Variants in RECQL5 observed in about 807,000 individuals in gnomAD.
The protein encoded by RECQL5 is RecQ like helicase 5.
A neutral mutation model predicts 103.4 loss-of-function variants in RECQL5; 88 were observed. That is an observed-to-expected ratio of 0.85 (90% CI 0.72 to 1.02). The LOEUF (loss-of-function observed/expected upper bound fraction) is 1.02. Ranked by LOEUF, RECQL5 falls within the 50% of genes least tolerant of loss-of-function variation. RECQL5 has a pLI of 0.00. For synonymous variants in RECQL5, 552 were observed against 507.9 expected, an observed-to-expected ratio of 1.09 and a Z score of -1.17; for missense variants, 1,232 against 1,284.3, an observed-to-expected ratio of 0.96 and a Z score of 0.62.
At chr17:75,656,714 C>A (rs1009798513) in intron 7 of RECQL5, among the ~76,000 whole-genome samples, 4 of 149,714 alleles carry the variant, frequency 2.7e-5, no homozygotes, top group Non-Finnish European at 5.9e-5. Context: ...ATTATCCTTG[C>A]GAATTTATGT....
At position 75,651,076 on chromosome 17, in the gene RECQL5, GT is replaced by G. The variant is rs1348188946; in HGVS notation, c.1229+109del. 4.4e-6 allele frequency: 7 copies of G among 1,595,844 alleles called. No individual in the cohort carries two copies. The East Asian group carries it at 1.6e-4, about 36-fold the overall frequency. Reference sequence around the variant, plus strand: ...GACACAACAGCCTTTGCAGGCAGGTGTCCCTTGGTAGCCTACGGGCTGTCTT... The same window carrying G: ...GACACAACAGCCTTTGCAGGCAGGTGCCCTTGGTAGCCTACGGGCTGTCTT... On this transcript the variant is annotated intron_variant, in intron 8 of 19. Transcript: ENST00000317905.
rs1227509722 is a variant in RECQL5 at position 75,630,849 on chromosome 17, G to GGT, written c.1586-13_1586-12insAC. The stretch of plus-strand genomic sequence containing the variant: ...GGGACAGTTCTCATCTGTGGGGGGG[G>GGT]GGGGTGGTCCTTGGTCCTTTCGCTC... On this transcript the variant is annotated splice_polypyrimidine_tract_variant and intron_variant, in intron 11 of 19. Transcript: ENST00000317905. 2 of 1,457,748 alleles carry GGT rather than the reference G, an allele frequency of 1.4e-6. No homozygotes were observed. Among genetic ancestry groups the GGT allele is most frequent in the Non-Finnish European group, 1.8e-6 (2 of 1,081,576 alleles). 90.3% of individuals were successfully genotyped at this position (1,457,748 alleles called of 1,614,324 possible). A position where few individuals can be genotyped will look rare whatever the true frequency, so the allele number is the denominator to read the frequency against.
chr17:75,640,642 C>T lies in RECQL5; in HGVS notation c.1230-8974G>A. On this transcript the variant is annotated intron_variant, in intron 8 of 19. Coordinates refer to ENST00000317905, the MANE Select transcript of RECQL5 (RefSeq NM_004259.7). The surrounding 1 kb of genome is among the most constrained non-coding windows in gnomAD (Gnocchi z 4.6). ...CCCTGGCGGCTGGCATGGGGACCGT[C>T]CGCACCTCTCACCAGCCTCTCGGAT... The T allele has an allele frequency of 6.9e-7, 1 of 1,448,930 alleles. No individual in the cohort carries two copies. Among genetic ancestry groups the T allele is most frequent in the East Asian group, 2.5e-5 (1 of 39,866 alleles). The allele number at this position is 1,448,930 out of a possible 1,614,324, so 89.8% of individuals were successfully genotyped here. A position where few individuals can be genotyped will look rare whatever the true frequency, so the allele number is the denominator to read the frequency against.
chr17:75,628,844 G>A, intron 16 of RECQL5, 82 bp from the exon 17 acceptor site: 1 of 1,595,120 alleles, frequency 6.3e-7, no homozygotes, highest in Non-Finnish European at 8.5e-7. Flanking sequence ...GCCCATCTCA[G>A]GGGTGAGCTC....
chr17:75,664,588 A>G (rs2059742270), intron 3 of RECQL5, among the ~76,000 whole-genome samples: 1 of 152,202 alleles, frequency 6.6e-6, no homozygotes, highest in South Asian at 2.1e-4. Flanking sequence ...CAGAAACCCA[A>G]TATAGCGAAT....
rs1191652481 is a variant in RECQL5 at position 75,630,655 on chromosome 17, A to C, written c.1682T>G (p.Leu561Arg). Residue 561 changes from leucine to arginine, a missense_variant, in exon 13 of 20, where the codon CTG (leucine) becomes CGG (arginine). By Grantham distance (102) the Leu-to-Arg change is moderately radical. Coordinates refer to ENST00000317905, the MANE Select transcript of RECQL5 (RefSeq NM_004259.7). The part of the protein sequence containing the change: ...EHCLRLLEEA[L>R]SSNRQSTRTA... ...ACGTGTTGACTGGCGGTTGCTGCTC[A>C]GCGCCTCCTCCAGAAGCCGCAGGCA... is the stretch of plus-strand genomic sequence containing the variant. The C allele has an allele frequency of 6.2e-7, 1 of 1,613,418 alleles. No individual in the cohort carries two copies.
rs2059402677 is a variant in RECQL5 at position 75,639,962 on chromosome 17, C to T, written c.1230-8294G>A. Reference sequence around the variant, plus strand: ...CGAAGCAAGCCCTTGGTCTCACTGTCCTCACCGGCTTCCTCCACCCTGAGC... The same window carrying T: ...CGAAGCAAGCCCTTGGTCTCACTGTTCTCACCGGCTTCCTCCACCCTGAGC... On this transcript the variant is annotated intron_variant, in intron 8 of 19. Coordinates refer to ENST00000317905, the MANE Select transcript of RECQL5 (RefSeq NM_004259.7). 5 of 509,602 alleles carry T rather than the reference C, an allele frequency of 9.8e-6. No homozygotes were observed. The South Asian group carries it at 1.4e-4, about 15-fold the overall frequency. 31.6% of individuals were successfully genotyped at this position (509,602 alleles called of 1,614,324 possible).
At chr17:75,627,724 G>A (rs1389735976) in intron 18 of RECQL5, 32 bp from the exon 19 acceptor site, 2 of 1,579,708 alleles carry the variant, frequency 1.3e-6, no homozygotes, top group South Asian at 1.1e-5. Context: ...GAAGCAGAGA[G>A]CAGGACCCTT....
At position 75,663,016 on chromosome 17, in the gene RECQL5, G is replaced by T; in HGVS notation, c.253-19C>A. 2.6e-6 allele frequency: 4 copies of T among 1,562,044 alleles called. No individual in the cohort carries two copies. Among genetic ancestry groups the T allele is most frequent in the Non-Finnish European group, 3.5e-6 (4 of 1,155,016 alleles). On this transcript the variant is annotated intron_variant, in intron 3 of 19. Transcript: ENST00000317905. ...CTTGGTCCTAAGAGAAGAGAAAGAG[G>T]CTGTAACTGGCCCTCAGGACTCAGG...
At chr17:75,644,571 C>T (rs1649109138) in intron 8 of RECQL5, among the ~76,000 whole-genome samples, 1 of 151,876 alleles carries the variant, frequency 6.6e-6, no homozygotes, top group African/African-American at 2.4e-5. Flanking sequence ...AGTGACAGAG[C>T]AAGACCCTGT....
intron 8 of RECQL5, chr17:75,650,423 A>T (rs1338650848): frequency 7.6e-7 from 1 of 1,320,890 alleles, no homozygotes; most frequent in African/African-American, 1.5e-5. Flanking sequence ...TATGCAAATG[A>T]GGACGCCACT....
rs759800749 is a variant in RECQL5, at chr17:75,631,505, C to T, written c.1393G>A (p.Gly465Ser). ...KTCIGPSQGN[G>S]FDPELYEGGR... Reference sequence around the variant, plus strand: ...CCCTCATACAGCTCGGGGTCAAAGCCGTTCCCCTGGGAGGGCCCGATGCAG... The same window carrying T: ...CCCTCATACAGCTCGGGGTCAAAGCTGTTCCCCTGGGAGGGCCCGATGCAG... The change falls in exon 9 of 20, where the codon GGC (glycine) becomes AGC (serine). Residue 465 changes from glycine to serine, a missense_variant. Coordinates refer to ENST00000317905, the MANE Select transcript of RECQL5 (RefSeq NM_004259.7). The T allele has an allele frequency of 6.8e-6, 11 of 1,613,178 alleles. No individual in the cohort carries two copies. The highest frequency in any genetic ancestry group is 4.0e-5 in the African/African-American group (3 of 74,950).
chr17:75,631,752 A>G, intron 8 of RECQL5, 84 bp from the exon 9 acceptor site: 2 of 1,409,482 alleles, frequency 1.4e-6, no homozygotes, highest in South Asian at 1.2e-5. Context: ...TCGCTAGCTG[A>G]GCGAGCACTG....
chr17:75,654,461 CT>C (rs1353980637), intron 7 of RECQL5, among the ~76,000 whole-genome samples: 7 of 152,198 alleles, frequency 4.6e-5, no homozygotes, highest in Admixed American at 4.6e-4. Context: ...AAGTTTCCAT[CT>C]TTGCTTTCTA....
rs1204419392 is a variant in RECQL5, at chr17:75,647,690, C to A, written c.1229+3496G>T. Reference sequence around the variant, plus strand: ...AAGCCCTGGTGTCTTCCTTTCCCATCAGGAAAAAGTCTAGTAAAATACTGT... The same window carrying A: ...AAGCCCTGGTGTCTTCCTTTCCCATAAGGAAAAAGTCTAGTAAAATACTGT... On this transcript the variant is annotated intron_variant, in intron 8 of 19. Coordinates refer to ENST00000317905, the MANE Select transcript of RECQL5 (RefSeq NM_004259.7). 7 of 869,562 alleles carry A rather than the reference C, an allele frequency of 8.1e-6. No homozygotes were observed. The African/African-American group carries it at 1.0e-4, about 13-fold the overall frequency. 53.9% of individuals were successfully genotyped at this position (869,562 alleles called of 1,614,324 possible).
intron 1 of RECQL5, chr17:75,666,791 T>C (rs1413957099): frequency 1.9e-6 from 1 of 530,294 alleles, no homozygotes; most frequent in East Asian, 3.4e-5. Flanking sequence ...AACATTGAAC[T>C]ATTCCAGGCC....
chr17:75,638,696 A>G (rs2059375610), intron 8 of RECQL5: 1 of 152,254 alleles, frequency 6.6e-6, no homozygotes, highest in South Asian at 2.1e-4. Context: ...GCTGTCTACA[A>G]TGTGCTGCTA....
At chr17:75,652,377 G>T (rs1219283754) in intron 7 of RECQL5, 2 of 152,278 alleles carry the variant, frequency 1.3e-5, no homozygotes, top group Non-Finnish European at 2.9e-5. Flanking sequence ...GCACCACTTG[G>T]ATCACACAAC....
At chr17:75,645,024 G>C (rs1172553724) in intron 8 of RECQL5, among the ~76,000 whole-genome samples, 4 of 152,062 alleles carry the variant, frequency 2.6e-5, no homozygotes, top group African/African-American at 9.7e-5. Context: ...TTGCCAACCA[G>C]AGCTCCTGGA....
Sources: allele counts gnomAD v4.1 joint callset (sites outside exome capture counted in the v4.1 genomes callset), GRCh38; gene constraint gnomAD v4.1.1; non-coding constraint Gnocchi (gnomAD v3.1); transcripts MANE v1.5; gene names NCBI Gene and HGNC (gene_info 2026-07-23, HGNC 2026-07-21).